RNF150: variants seen among roughly 807,000 people sequenced by gnomAD.
RNF150 encodes the protein ring finger protein 150.
A neutral mutation model predicts 39.3 loss-of-function variants in RNF150; 24 were observed. The observed-to-expected ratio is 0.61, with a 90% CI of 0.44 to 0.86. RNF150 has a LOEUF of 0.86. Ranked by LOEUF, RNF150 falls within the 40% of genes least tolerant of loss-of-function variation. The pLI is 0.00. For synonymous variants in RNF150, 255 were observed against 227.3 expected, an observed-to-expected ratio of 1.12 and a Z score of -1.10; for missense variants, 502 against 587.8, an observed-to-expected ratio of 0.85 and a Z score of 1.51.
chr4:141,177,054 GAAAAAA>G (rs5862514), intron 1 of RNF150, among the ~76,000 whole-genome samples: 3 of 111,692 alleles, frequency 2.7e-5, no homozygotes, highest in South Asian at 3.3e-4. Context: ...TGTCTCCTAG[GAAAAAA>G]AAAAAAAAAA....
chr4:140,968,741 C>T (rs982226557), intron 1 of RNF150, among the ~76,000 whole-genome samples: 3 of 151,722 alleles, frequency 2.0e-5, no homozygotes, highest in Non-Finnish European at 4.4e-5. Context: ...GGTCATTGTC[C>T]TTACGCATCA....
chr4:141,212,718 A>C (rs1166841784), intron 1 of RNF150: 1 of 152,268 alleles, frequency 6.6e-6, no homozygotes, highest in African/African-American at 2.4e-5. Flanking sequence ...CAGCTGTTCT[A>C]GTCTGTTCTA....
intron 1 of RNF150, among the ~76,000 whole-genome samples, chr4:141,071,104 T>G (rs376560282): frequency 7.4e-6 from 1 of 134,436 alleles, no homozygotes; most frequent in African/African-American, 2.8e-5. Context: ...AAATTGGAAA[T>G]CATCATTCTC....
intron 1 of RNF150, among the ~76,000 whole-genome samples, chr4:141,013,689 TATC>T (rs1252280389): frequency 6.6e-6 from 1 of 152,220 alleles, no homozygotes; most frequent in African/African-American, 2.4e-5. Context: ...TTTAAAAAAT[TATC>T]ATAATACTGA....
At position 141,034,742 on chromosome 4, in the gene RNF150, A is replaced by C. The variant is rs558259100; in HGVS notation, c.485-66869T>G. 2.4e-4 allele frequency among the ~76,000 whole-genome samples: 37 copies of C among 152,272 alleles called. 1 individual carries two copies. In the Middle Eastern group the frequency reaches 0.01, roughly 42 times the overall value. On this transcript the variant is annotated intron_variant, in intron 1 of 6. Coordinates refer to ENST00000515673, the MANE Select transcript of RNF150 (RefSeq NM_020724.2). ...AAGGAGAGGGAGAGAGAGATAGGGA[A>C]ATGGCTAGTCAATAGAGCAGTCAGA...
chr4:141,054,271 A>T (rs1250078664), intron 1 of RNF150, among the ~76,000 whole-genome samples: 1 of 152,162 alleles, frequency 6.6e-6, no homozygotes, highest in Non-Finnish European at 1.5e-5. Flanking sequence ...CTCATAATTT[A>T]ATATCGGAAA....
chr4:141,052,671 C>A (rs781611984), intron 1 of RNF150, among the ~76,000 whole-genome samples: 3 of 152,170 alleles, frequency 2.0e-5, no homozygotes, highest in Non-Finnish European at 4.4e-5. Flanking sequence ...CCACCACACC[C>A]AGTCACAACA....
intron 1 of RNF150, among the ~76,000 whole-genome samples, chr4:141,089,415 G>A (rs1294951711): frequency 6.6e-6 from 1 of 152,136 alleles, no homozygotes; most frequent in African/African-American, 2.4e-5. Flanking sequence ...CCAACTGGGG[G>A]GAGGGGGAAG....
chr4:141,062,349 G>A (rs1737267890), intron 1 of RNF150, among the ~76,000 whole-genome samples: 1 of 151,888 alleles, frequency 6.6e-6, no homozygotes, highest in African/African-American at 2.4e-5. Context: ...ATATAGGTAT[G>A]TATATGTATA....
intron 1 of RNF150, among the ~76,000 whole-genome samples, chr4:140,969,504 G>T (rs1733374839): frequency 6.6e-6 from 1 of 152,012 alleles, no homozygotes; most frequent in South Asian, 2.1e-4. Flanking sequence ...GCTGCTGGCT[G>T]GTTTTGTCTC....
intron 1 of RNF150, among the ~76,000 whole-genome samples, chr4:140,985,998 T>C (rs1362471359): frequency 6.6e-6 from 1 of 152,110 alleles, no homozygotes; most frequent in African/African-American, 2.4e-5. Flanking sequence ...CTAAAGGATT[T>C]GACATTTTAA....
chr4:140,943,561 T>G (rs1470607801), intron 4 of RNF150, among the ~76,000 whole-genome samples: 1 of 152,206 alleles, frequency 6.6e-6, no homozygotes. Context: ...TGGTATTAAT[T>G]CCTCCAAAAT....
chr4:141,165,131 C>T (rs1369698883), intron 1 of RNF150, among the ~76,000 whole-genome samples: 1 of 151,830 alleles, frequency 6.6e-6, no homozygotes, highest in Admixed American at 6.6e-5. Flanking sequence ...AAGCAAAAAA[C>T]AGCAGGGGTT....
intron 1 of RNF150, among the ~76,000 whole-genome samples, chr4:141,171,729 C>A (rs1727728960): frequency 6.6e-6 from 1 of 152,166 alleles, no homozygotes; most frequent in African/African-American, 2.4e-5. Flanking sequence ...TATAGCACAA[C>A]TGAACTGAAT....
intron 1 of RNF150, among the ~76,000 whole-genome samples, chr4:141,101,778 C>T (rs191751563): frequency 2.0e-5 from 3 of 151,930 alleles, no homozygotes; most frequent in Non-Finnish European, 4.4e-5. Context: ...CCATTATAAT[C>T]TTTTATTTAT....
chr4:141,094,572 A>G (rs1490652671), intron 1 of RNF150, among the ~76,000 whole-genome samples: 1 of 152,262 alleles, frequency 6.6e-6, no homozygotes, highest in Non-Finnish European at 1.5e-5. Flanking sequence ...TACCACTTTT[A>G]AAATAGTAAA....
chr4:140,977,062 C>T (rs1029778251), intron 1 of RNF150, among the ~76,000 whole-genome samples: 1 of 152,096 alleles, frequency 6.6e-6, no homozygotes, highest in Non-Finnish European at 1.5e-5. Context: ...AAAATACCCA[C>T]AAGAGGCAAA....
At chr4:140,922,475 C>CAAAG (rs1387653772) in intron 5 of RNF150, among the ~76,000 whole-genome samples, 1 of 151,550 alleles carries the variant, frequency 6.6e-6, no homozygotes, top group Non-Finnish European at 1.5e-5. Context: ...AAAGAGGATA[C>CAAAG]AAAGAAATGG....
intron 6 of RNF150, among the ~76,000 whole-genome samples, chr4:140,907,420 T>G (rs1730427733): frequency 6.6e-6 from 1 of 152,188 alleles, no homozygotes; most frequent in African/African-American, 2.4e-5. Context: ...CATTTTTTTT[T>G]TCCTGGGAGC....
Sources: gnomAD v4.1 joint callset for allele counts (sites outside exome capture counted in the v4.1 genomes callset) on GRCh38, gnomAD v4.1.1 for gene constraint, MANE v1.5 for transcripts, NCBI Gene and HGNC (gene_info 2026-07-23, HGNC 2026-07-21) for gene names.